GSG1L: variants seen among roughly 807,000 people sequenced by gnomAD.
The protein encoded by GSG1L is GSG1 like.
Under a neutral mutation model 42.1 loss-of-function variants are expected in GSG1L, and 24 were observed. That is an observed-to-expected ratio of 0.57 (90% CI 0.41 to 0.80). The LOEUF (loss-of-function observed/expected upper bound fraction) is 0.80, where lower values mean the gene tolerates loss of function less well. Among genes scored for constraint, GSG1L ranks in the 30% least tolerant of loss-of-function variants. The pLI, the probability that GSG1L is intolerant of heterozygous loss-of-function variation, is 0.00. For synonymous variants in GSG1L, 215 were observed against 203.5 expected (o/e 1.06, Z -0.48); for missense variants, 445 against 472.2 (o/e 0.94, Z 0.53).
intron 5 of GSG1L, among the ~76,000 whole-genome samples, chr16:27,817,433 C>T (rs1366011600): frequency 2.0e-5 from 3 of 152,230 alleles, no homozygotes; most frequent in Non-Finnish European, 4.4e-5. Flanking sequence ...TAATAGCCTA[C>T]ATGCTGTGCT....
intron 3 of GSG1L, among the ~76,000 whole-genome samples, chr16:27,863,522 C>G (rs897499417): frequency 5.3e-5 from 8 of 152,062 alleles, no homozygotes; most frequent in African/African-American, 7.2e-5. Context: ...TTCTATAACC[C>G]AAGAGTTCTA....
chr16:27,866,137 T>C (rs2141005123), intron 3 of GSG1L, among the ~76,000 whole-genome samples: 1 of 152,308 alleles, frequency 6.6e-6, no homozygotes, highest in Admixed American at 6.5e-5. Flanking sequence ...ATGTCCTGTA[T>C]ATCTCTCTGC....
intron 1 of GSG1L, among the ~76,000 whole-genome samples, chr16:28,015,194 G>T (rs2085766225): frequency 6.6e-6 from 1 of 152,232 alleles, no homozygotes; most frequent in East Asian, 1.9e-4. Flanking sequence ...ATGAGGGTCT[G>T]GGCAACACCA....
At position 27,791,337 on chromosome 16, in the gene GSG1L, G is replaced by A; in HGVS notation, c.*33C>T. On this transcript the variant is annotated 3_prime_UTR_variant, in exon 7 of 7. Coordinates refer to ENST00000447459, the MANE Select transcript of GSG1L (RefSeq NM_001109763.2). ...GCAGCAGGGGCTGGTGCCAGCGATG[G>A]CCTGAGGTCCGCGGGCCAGGTTGAG... The A allele has an allele frequency of 7.6e-7, 1 of 1,307,588 alleles. No individual in the cohort carries two copies. Among genetic ancestry groups the A allele is most frequent in the Non-Finnish European group, 1.0e-6 (1 of 996,424 alleles). 81.0% of individuals were successfully genotyped at this position (1,307,588 alleles called of 1,614,324 possible). A position where few individuals can be genotyped will look rare whatever the true frequency, so the allele number is the denominator to read the frequency against.
chr16:27,887,066 C>G (rs1161185356), intron 2 of GSG1L, among the ~76,000 whole-genome samples: 2 of 152,102 alleles, frequency 1.3e-5, no homozygotes, highest in African/African-American at 4.8e-5. Context: ...AGCAATCCTC[C>G]CACCTTAGCC....
chr16:27,915,290 G>A (rs1456076269), intron 2 of GSG1L, among the ~76,000 whole-genome samples: 1 of 152,074 alleles, frequency 6.6e-6, no homozygotes, highest in Non-Finnish European at 1.5e-5. Flanking sequence ...GGGGCAGGGT[G>A]GGGGCAGAAG....
intron 2 of GSG1L, among the ~76,000 whole-genome samples, chr16:27,939,580 G>C (rs1354511758): frequency 1.3e-5 from 2 of 152,160 alleles, no homozygotes; most frequent in African/African-American, 2.4e-5. Flanking sequence ...CAGGCCACCA[G>C]AACAGGACTT....
rs183506902 is a variant in GSG1L at position 27,887,882 on chromosome 16, T to C, written c.398-3244A>G. Among the ~76,000 whole-genome samples the C allele has an allele frequency of 3.3e-5, 5 of 152,306 alleles. 1 individual carries two copies. Among genetic ancestry groups the C allele is most frequent in the African/African-American group, 1.2e-4 (5 of 41,566 alleles). On this transcript the variant is annotated intron_variant, in intron 2 of 6. Coordinates refer to ENST00000447459, the MANE Select transcript of GSG1L (RefSeq NM_001109763.2). The stretch of plus-strand genomic sequence containing the variant: ...TTGTTGTAAGAGAATAATGTGCTCT[T>C]GGCAGCCTGGATGTTGTTAAAACAC...
At chr16:28,014,126 C>T (rs2085754508) in intron 1 of GSG1L, among the ~76,000 whole-genome samples, 1 of 152,204 alleles carries the variant, frequency 6.6e-6, no homozygotes, top group Non-Finnish European at 1.5e-5. Context: ...CATCTAGAGC[C>T]TGAGAAAGGG....
At chr16:27,891,947 TA>T (rs1312703975) in intron 2 of GSG1L, among the ~76,000 whole-genome samples, 1 of 140,990 alleles carries the variant, frequency 7.1e-6, no homozygotes, top group Non-Finnish European at 1.5e-5. Context: ...AGTGGTGATC[TA>T]AGCCAGTGGT....
intron 2 of GSG1L, among the ~76,000 whole-genome samples, chr16:27,919,557 T>C (rs1445020063): frequency 6.6e-6 from 1 of 152,212 alleles, no homozygotes; most frequent in African/African-American, 2.4e-5. Context: ...GAGAGCTCCA[T>C]TTTTTCAGCA....
At position 27,987,985 on chromosome 16, in the gene GSG1L, G is replaced by A. The variant is rs146977569; in HGVS notation, c.350-24782C>T. On this transcript the variant is annotated intron_variant, in intron 1 of 6. Transcript: ENST00000447459. The stretch of plus-strand genomic sequence containing the variant: ...AAAAAAAACCGGAAAAGATAATCGT[G>A]TCATAGTTTCAAATTCCTTTCAGTA... Among the ~76,000 whole-genome samples the A allele has an allele frequency of 2.2e-3, 323 of 149,148 alleles. 1 individual carries two copies. The highest frequency in any genetic ancestry group is 7.6e-3 in the African/African-American group (308 of 40,562).
At chr16:27,921,750 C>A (rs1242112442) in intron 2 of GSG1L, among the ~76,000 whole-genome samples, 1 of 152,164 alleles carries the variant, frequency 6.6e-6, no homozygotes, top group Non-Finnish European at 1.5e-5. Context: ...GTGTTGGTTT[C>A]TTTTCCAGGC....
At chr16:28,017,972 ATTC>A (rs1385705901) in intron 1 of GSG1L, among the ~76,000 whole-genome samples, 2 of 152,196 alleles carry the variant, frequency 1.3e-5, no homozygotes, top group East Asian at 1.9e-4. Context: ...GTATTTTATT[ATTC>A]TTCTTAGACT....
chr16:27,818,459 G>A (rs550970062), intron 5 of GSG1L, among the ~76,000 whole-genome samples: 1 of 152,052 alleles, frequency 6.6e-6, no homozygotes, highest in Admixed American at 6.5e-5. Flanking sequence ...TGGGCATCGC[G>A]TTCCTCTCAA....
chr16:28,009,783 T>C (rs2085691676), intron 1 of GSG1L, among the ~76,000 whole-genome samples: 1 of 152,206 alleles, frequency 6.6e-6, no homozygotes, highest in African/African-American at 2.4e-5. Flanking sequence ...TCTCTCTGAG[T>C]CTCAGTTTCC....
At chr16:27,844,891 T>C in intron 4 of GSG1L, 59 bp downstream of exon 4, 1 of 638,878 alleles carries the variant, frequency 1.6e-6, no homozygotes, top group Non-Finnish European at 2.5e-6. Context: ...GCTGCTGAAG[T>C]CCCAGCGTGC....
chr16:28,046,502 C>T (rs1189484521), intron 1 of GSG1L, among the ~76,000 whole-genome samples: 7 of 152,078 alleles, frequency 4.6e-5, no homozygotes, highest in Admixed American at 1.3e-4. Flanking sequence ...GACAGGCGCC[C>T]GCCACCATGC....
At chr16:27,995,090 C>T (rs1019125914) in intron 1 of GSG1L, among the ~76,000 whole-genome samples, 3 of 152,170 alleles carry the variant, frequency 2.0e-5, no homozygotes, top group African/African-American at 4.8e-5. Flanking sequence ...GGGACCACCA[C>T]GCATCCCAAG....
Sources: gnomAD v4.1 joint callset for allele counts (sites outside exome capture counted in the v4.1 genomes callset) on GRCh38, gnomAD v4.1.1 for gene constraint, MANE v1.5 for transcripts, NCBI Gene and HGNC (gene_info 2026-07-23, HGNC 2026-07-21) for gene names.